The following DOP1A variants were observed in gnomAD, a reference collection of about 807,000 sequenced individuals.
DOP1A encodes protein DOP1A.
DOP1A carries 90 observed loss-of-function variants against 267.6 expected under a neutral mutation model. That is an observed-to-expected ratio of 0.34 (90% CI 0.28 to 0.40). The LOEUF (loss-of-function observed/expected upper bound fraction) is 0.40, where lower values mean the gene tolerates loss of function less well. DOP1A is among the 10% of genes least tolerant of loss of function. The probability of loss-of-function intolerance (pLI) is 1.00; values close to 1 mark genes in which losing one functional copy is unlikely to be tolerated. For missense variants in DOP1A, 2,437 were observed against 2,900.4 expected (o/e 0.84, Z 3.67); for synonymous variants, 932 against 999.1 (o/e 0.93, Z 1.27).
At chr6:83,079,826 TC>T (rs1231093605) in intron 1 of DOP1A, among the ~76,000 whole-genome samples, 2 of 152,154 alleles carry the variant, frequency 1.3e-5, no homozygotes, top group African/African-American at 4.8e-5. Context: ...AAAGGTACTT[TC>T]TGATGAAAAT....
At chr6:83,125,843 C>T in intron 15 of DOP1A, 110 bp downstream of exon 15, 1 of 972,830 alleles carries the variant, frequency 1.0e-6, no homozygotes, top group Admixed American at 2.6e-5. Context: ...GTGAGTCTTT[C>T]CTAGATCCAA....
Position 83,067,689 on chromosome 6 carries a change from T to A in DOP1A, c.-237T>A, listed in dbSNP as rs1256381654. On this transcript the variant is annotated 5_prime_UTR_variant, in exon 1 of 39. Coordinates refer to ENST00000349129, the MANE Select transcript of DOP1A (RefSeq NM_015018.4). ...CGCGAGCACGGTGCACTCTGGGAGC[T>A]GTCACTAGGCCCTTCGGCTCCCGGT... The A allele has an allele frequency of 2.7e-5, 4 of 150,676 alleles. No homozygotes were observed. The highest frequency in any genetic ancestry group is 9.8e-5 in the African/African-American group (4 of 40,848). 9.3% of individuals were successfully genotyped at this position (150,676 alleles called of 1,614,324 possible).
At chr6:83,127,835 C>T (rs766794560) in intron 15 of DOP1A, among the ~76,000 whole-genome samples, 1 of 152,002 alleles carries the variant, frequency 6.6e-6, no homozygotes, top group Non-Finnish European at 1.5e-5. Context: ...TTATATATAC[C>T]GTTATGTAAT....
intron 1 of DOP1A, among the ~76,000 whole-genome samples, chr6:83,088,412 C>T (rs1008334848): frequency 6.9e-6 from 1 of 144,306 alleles, no homozygotes; most frequent in Non-Finnish European, 1.5e-5. Flanking sequence ...TAAGTGTTGT[C>T]TTCCATCTTT....
intron 36 of DOP1A, among the ~76,000 whole-genome samples, 173 bp downstream of exon 36, chr6:83,158,795 T>C (rs1222551303): frequency 6.6e-6 from 1 of 152,224 alleles, no homozygotes; most frequent in Non-Finnish European, 1.5e-5. Context: ...CCCTTTAGAT[T>C]GGATTAAGCC....
intron 27 of DOP1A, among the ~76,000 whole-genome samples, chr6:83,151,156 A>G (rs184496397): frequency 6.6e-5 from 10 of 152,168 alleles, no homozygotes; most frequent in Admixed American, 5.9e-4. Context: ...ACATTCTGCA[A>G]TTTGTTTTTT....
At chr6:83,160,036 T>A in intron 37 of DOP1A, 76 bp downstream of exon 37, 1 of 1,426,410 alleles carries the variant, frequency 7.0e-7, no homozygotes, top group South Asian at 1.3e-5. Context: ...TATGACTAAT[T>A]AAAAAGTTTT....
intron 1 of DOP1A, chr6:83,072,976 A>C (rs1785868353): frequency 2.7e-6 from 1 of 377,008 alleles, no homozygotes; most frequent in Non-Finnish European, 5.3e-6. Context: ...AGAACATAGT[A>C]CAGTACTTGC....
chr6:83,096,876 C>T (rs981475585), intron 2 of DOP1A, 49 bp from the exon 3 acceptor site: 1 of 1,350,708 alleles, frequency 7.4e-7, no homozygotes, highest in Non-Finnish European at 1.0e-6. Context: ...TCATATGAAC[C>T]CGTTTTAATA....
intron 7 of DOP1A, among the ~76,000 whole-genome samples, chr6:83,114,478 AAAG>A (rs1201197673): frequency 1.3e-5 from 2 of 152,250 alleles, no homozygotes; most frequent in African/African-American, 4.8e-5. Context: ...CTTAGAAAAC[AAAG>A]AAGAATATGC....
At position 83,100,607 on chromosome 6, in the gene DOP1A, C is replaced by A. The variant is rs1772396273; in HGVS notation, c.139-98C>A. 5 of 857,942 alleles carry A rather than the reference C, an allele frequency of 5.8e-6. No individual in the cohort carries two copies. In the South Asian group the frequency reaches 1.1e-4, roughly 20 times the overall value. 53.1% of individuals were successfully genotyped at this position (857,942 alleles called of 1,614,324 possible). On this transcript the variant is annotated intron_variant, in intron 3 of 38. Transcript: ENST00000349129. ...AATGTAGCTAACAAAACACAAAGACCTACAATGATCATTTTTTATAATACT... is the reference window on the plus strand; with the variant it reads ...AATGTAGCTAACAAAACACAAAGACATACAATGATCATTTTTTATAATACT...
At chr6:83,148,671 T>C (rs1398779531) in intron 26 of DOP1A, 88 bp from the exon 27 acceptor site, 1 of 837,148 alleles carries the variant, frequency 1.2e-6, no homozygotes, top group Non-Finnish European at 1.8e-6. Flanking sequence ...TGTTCTATCA[T>C]TGTCTATAAA....
Position 83,129,029 on chromosome 6 carries a change from G to A in DOP1A, c.1862G>A (p.Ser621Asn), listed in dbSNP as rs768175685. Reference sequence around the variant, plus strand: ...ACTGATGATATTGACAGAGAACTGAGTGAGGGCCAGGGGGCAGCTGCCATC... The same window carrying A: ...ACTGATGATATTGACAGAGAACTGAATGAGGGCCAGGGGGCAGCTGCCATC... ...DRTDDIDRELSEGQGAAAIPI... is the reference protein window; with the variant it reads ...DRTDDIDRELNEGQGAAAIPI... The change falls in exon 16 of 39, where the codon AGT (serine) becomes AAT (asparagine). Residue 621 changes from serine (S) to asparagine (N), a missense_variant. Coordinates refer to ENST00000349129, the MANE Select transcript of DOP1A (RefSeq NM_015018.4). The A allele has an allele frequency of 1.9e-6, 3 of 1,613,760 alleles. No individual in the cohort carries two copies. The highest frequency in any genetic ancestry group is 2.7e-5 in the African/African-American group (2 of 74,908).
At chr6:83,122,260 C>A (rs1044714412) in intron 11 of DOP1A, among the ~76,000 whole-genome samples, 6 of 151,716 alleles carry the variant, frequency 4.0e-5, no homozygotes, top group Non-Finnish European at 8.9e-5. Context: ...TTAATTGTTA[C>A]AAAAGACAGG....
At chr6:83,145,201 TATA>T (rs1422212883) in intron 24 of DOP1A, among the ~76,000 whole-genome samples, 4 of 370 alleles carry the variant, frequency 0.011, no homozygotes, top group Non-Finnish European at 0.016. Flanking sequence ...AATATATATA[TATA>T]ATAATATATA....
At chr6:83,070,563 A>G (rs974048989) in intron 1 of DOP1A, among the ~76,000 whole-genome samples, 1 of 152,152 alleles carries the variant, frequency 6.6e-6, no homozygotes, top group Non-Finnish European at 1.5e-5. Flanking sequence ...AGATGCCACC[A>G]CTCAGGCACA....
At chr6:83,136,250 A>C (rs1299168804) in intron 20 of DOP1A, among the ~76,000 whole-genome samples, 1 of 152,128 alleles carries the variant, frequency 6.6e-6, no homozygotes, top group Non-Finnish European at 1.5e-5. Flanking sequence ...GTATTTCATG[A>C]GTCATTTTCC....
Position 83,123,633 on chromosome 6 carries a change from T to C in DOP1A, c.1340+651T>C, listed in dbSNP as rs143531558. On this transcript the variant is annotated intron_variant, in intron 12 of 38. Transcript: ENST00000349129. ...TGTTGCTCCTACACATTAATCTCTT[T>C]AGTGGTTTAGAAAGTTCCTAGCTTA... is the stretch of plus-strand genomic sequence containing the variant. Among the ~76,000 whole-genome samples the C allele has an allele frequency of 7.9e-5, 12 of 152,206 alleles. No homozygotes were observed. In the East Asian group the frequency reaches 2.3e-3, roughly 29 times the overall value.
chr6:83,129,747 C>T (rs1441635778), intron 16 of DOP1A, among the ~76,000 whole-genome samples: 2 of 152,038 alleles, frequency 1.3e-5, no homozygotes, highest in Non-Finnish European at 2.9e-5. Context: ...AAAAGGAAAT[C>T]TCTGGAGAAA....
Sources: gnomAD v4.1 joint callset for allele counts (sites outside exome capture counted in the v4.1 genomes callset) on GRCh38, gnomAD v4.1.1 for gene constraint, MANE v1.5 for transcripts, NCBI Gene and HGNC (gene_info 2026-07-23, HGNC 2026-07-21) for gene names.